LILRB1: variants seen among roughly 807,000 people sequenced by gnomAD.
The protein encoded by LILRB1 is leukocyte immunoglobulin like receptor B1.
A neutral mutation model predicts 74.6 loss-of-function variants in LILRB1; 59 were observed. The ratio of observed to expected loss-of-function variants is 0.79; its 90% CI spans 0.64 to 0.98. The LOEUF (loss-of-function observed/expected upper bound fraction) is 0.98. Among genes scored for constraint, LILRB1 ranks in the 50% least tolerant of loss-of-function variants. LILRB1 has a pLI of 0.00. For missense variants in LILRB1, 804 were observed against 822.6 expected, an observed-to-expected ratio of 0.98 and a Z score of 0.28; for synonymous variants, 328 against 333.9, an observed-to-expected ratio of 0.98 and a Z score of 0.19.
chr19:54,622,248 G>T (rs1280701098), intron 1 of LILRB1, among the ~76,000 whole-genome samples: 2 of 152,090 alleles, frequency 1.3e-5, no homozygotes, highest in Non-Finnish European at 2.9e-5. Context: ...AATTTAATAG[G>T]AATTGTGTTG....
chr19:54,632,439 G>A (rs370262988), intron 5 of LILRB1, 25 bp from the exon 6 acceptor site: 1 of 1,580,112 alleles, frequency 6.3e-7, no homozygotes, highest in Non-Finnish European at 8.6e-7. Flanking sequence ...GTCGGCTCCT[G>A]GAAACCATGA....
At chr19:54,617,099 A>T (rs1032214482), upstream of LILRB1, 12 of 152,274 alleles carry the variant, frequency 7.9e-5, no homozygotes, top group Non-Finnish European at 1.5e-4. Context: ...CAACCAGCAC[A>T]CTGTGACCCA....
upstream of LILRB1, among the ~76,000 whole-genome samples, chr19:54,625,907 C>T (rs566435475): frequency 1.1e-4 from 17 of 151,010 alleles, no homozygotes; most frequent in African/African-American, 4.9e-5. Context: ...ACCCCTTCCC[C>T]GTGTTAGAGA....
Position 54,636,904 on chromosome 19 carries a change from C to A in LILRB1, c.*26C>A. 6.2e-7 allele frequency: 1 copy of A among 1,613,076 alleles called. No individual in the cohort carries two copies. Among genetic ancestry groups the A allele is most frequent in the Non-Finnish European group, 8.5e-7 (1 of 1,179,210 alleles). Reference sequence around the variant, plus strand: ...CCCAGGGGGGGACGCAGACCCCACACTCCATGGAGTCTGGAATGCATGGGA... The same window carrying A: ...CCCAGGGGGGGACGCAGACCCCACAATCCATGGAGTCTGGAATGCATGGGA... On this transcript the variant is annotated 3_prime_UTR_variant, in exon 15 of 15. Coordinates refer to ENST00000324602, the MANE Select transcript of LILRB1 (RefSeq NM_001081637.3).
chr19:54,626,781 C>T (rs2004318), upstream of LILRB1, among the ~76,000 whole-genome samples: 6,050 of 151,968 alleles, frequency 0.04, 130 homozygotes, highest in South Asian at 0.056. Context: ...AGTTTCTCCC[C>T]GGGCTGACTC....
At chr19:54,635,419 A>G (rs1244469781) in intron 12 of LILRB1, 123 bp downstream of exon 12, 1 of 1,513,500 alleles carries the variant, frequency 6.6e-7, no homozygotes, top group African/African-American at 1.4e-5. Flanking sequence ...ATCTCACCCC[A>G]CACTGTGGGG....
At position 54,636,419 on chromosome 19, in the gene LILRB1, G is replaced by T. The variant is rs71365476; in HGVS notation, c.1654-75G>T. 5.5e-4 allele frequency: 811 copies of T among 1,477,554 alleles called. 1 individual carries two copies. The African/African-American group carries it at 8.0e-3, about 15-fold the overall frequency. The allele number at this position is 1,477,554 out of a possible 1,614,324, so 91.5% of individuals were successfully genotyped here. A position where few individuals can be genotyped will look rare whatever the true frequency, so the allele number is the denominator to read the frequency against. ...GGAAAGGGATGTAATCGGATCACCCGGGGAACAGTGAGGAAAATTGACTCC... is the reference window on the plus strand; with the variant it reads ...GGAAAGGGATGTAATCGGATCACCCTGGGAACAGTGAGGAAAATTGACTCC... On this transcript the variant is annotated intron_variant, in intron 13 of 14. Transcript: ENST00000324602.
upstream of LILRB1, among the ~76,000 whole-genome samples, chr19:54,627,278 C>T (rs1411570838): frequency 6.6e-6 from 1 of 152,170 alleles, no homozygotes; most frequent in Admixed American, 6.5e-5. Flanking sequence ...GAGGTAGAAA[C>T]AAGCCCTCCC....
At chr19:54,619,249 T>G (rs190743830) in intron 1 of LILRB1, among the ~76,000 whole-genome samples, 5 of 152,230 alleles carry the variant, frequency 3.3e-5, no homozygotes, top group Non-Finnish European at 7.4e-5. Flanking sequence ...AAATAACTGA[T>G]AGTTCAAGAA....
intron 1 of LILRB1, among the ~76,000 whole-genome samples, chr19:54,623,322 C>T (rs2063500728): frequency 6.6e-6 from 1 of 152,072 alleles, no homozygotes; most frequent in Admixed American, 6.6e-5. Context: ...ATTTTTAGTA[C>T]TGATTCTTTT....
At chr19:54,618,434 G>A (rs372548207) in intron 1 of LILRB1, among the ~76,000 whole-genome samples, 19 of 152,198 alleles carry the variant, frequency 1.2e-4, no homozygotes, top group African/African-American at 3.4e-4. Flanking sequence ...AGAATTGTTA[G>A]CGTTTTTGTT....
intron 4 of LILRB1, 51 bp downstream of exon 4, chr19:54,631,838 G>GGT: frequency 6.2e-7 from 1 of 1,607,370 alleles, no homozygotes; most frequent in Non-Finnish European, 8.5e-7. Flanking sequence ...TCAGGAAGGG[G>GGT]GACGGCTCTC....
At chr19:54,628,107 T>C (rs1284499713), upstream of LILRB1, among the ~76,000 whole-genome samples, 2 of 152,162 alleles carry the variant, frequency 1.3e-5, no homozygotes, top group Non-Finnish European at 2.9e-5. Context: ...CCCGATTGGC[T>C]AGTAACTTAG....
At chr19:54,632,350 C>A in intron 5 of LILRB1, 113 bp downstream of exon 5, 1 of 1,546,780 alleles carries the variant, frequency 6.5e-7, no homozygotes, top group Non-Finnish European at 8.7e-7. Flanking sequence ...GGGCTCAGGG[C>A]TCCTGGGGCC....
Position 54,636,898 on chromosome 19 carries a change from C to A in LILRB1, c.*20C>A, listed in dbSNP as rs762486622. 6.2e-7 allele frequency: 1 copy of A among 1,612,336 alleles called. No homozygotes were observed. Among genetic ancestry groups the A allele is most frequent in the African/African-American group, 1.3e-5 (1 of 74,676 alleles). On this transcript the variant is annotated 3_prime_UTR_variant, in exon 15 of 15. Coordinates refer to ENST00000324602, the MANE Select transcript of LILRB1 (RefSeq NM_001081637.3). ...CACTAGCCCAGGGGGGGACGCAGAC[C>A]CCACACTCCATGGAGTCTGGAATGC... is the stretch of plus-strand genomic sequence containing the variant.
chr19:54,631,606 T>A lies in LILRB1; in HGVS notation c.177T>A (p.Arg59=). 1 of 1,614,248 alleles carries A rather than the reference T, an allele frequency of 6.2e-7. No homozygotes were observed. ...CQGGQETQEY[R]LYREKKTAPW... is the part of the protein sequence containing the mutation. ...GGGGCCAGGAGACCCAGGAGTACCG[T>A]CTATATAGAGAAAAGAAAACAGCAC... The change falls in exon 4 of 15, where the codon CGT becomes CGA. Residue 59 remains arginine, a synonymous_variant. Transcript: ENST00000324602.
At position 54,632,518 on chromosome 19, in the gene LILRB1, A is replaced by T. The variant is rs901288729; in HGVS notation, c.716A>T (p.Glu239Val). The T allele has an allele frequency of 6.2e-7, 1 of 1,613,680 alleles. No homozygotes were observed. Among genetic ancestry groups the T allele is most frequent in the Non-Finnish European group, 8.5e-7 (1 of 1,179,828 alleles). Residue 239 changes from glutamate to valine, a missense_variant, in exon 6 of 15, where the codon GAG (glutamate) becomes GTG (valine). Coordinates refer to ENST00000324602, the MANE Select transcript of LILRB1 (RefSeq NM_001081637.3). ...CAGCCAGGTCCTATCGTGGCCCCTG[A>T]GGAGACCCTGACTCTGCAGTGTGGC... ...SVQPGPIVAP[E>V]ETLTLQCGSD...
At chr19:54,617,571 G>GTGTA (rs2063340327) in intron 1 of LILRB1, among the ~76,000 whole-genome samples, 1 of 151,194 alleles carries the variant, frequency 6.6e-6, no homozygotes, top group Non-Finnish European at 1.5e-5. Context: ...GTGTGTGTGT[G>GTGTA]TGTGTGTGTG....
intron 1 of LILRB1, among the ~76,000 whole-genome samples, chr19:54,620,783 C>T (rs2063435397): frequency 6.6e-6 from 1 of 152,254 alleles, no homozygotes; most frequent in South Asian, 2.1e-4. Flanking sequence ...ATCAATCAAC[C>T]GTTGGTGGAC....
Sources: allele counts gnomAD v4.1 joint callset (sites outside exome capture counted in the v4.1 genomes callset), GRCh38; gene constraint gnomAD v4.1.1; transcripts MANE v1.5; gene names NCBI Gene and HGNC (gene_info 2026-07-23, HGNC 2026-07-21).